The following OR5AN1 variants were observed in gnomAD, a reference collection of about 807,000 sequenced individuals.
The protein encoded by OR5AN1 is olfactory receptor family 5 subfamily AN member 1.
For synonymous variants in OR5AN1, 167 were observed against 131.8 expected, an observed-to-expected ratio of 1.27 and a Z score of -1.83; for missense variants, 476 against 368.9, an observed-to-expected ratio of 1.29 and a Z score of -2.38.
chr11:59,365,420 A>G lies in OR5AN1; in HGVS notation c.*26A>G. 2 of 1,383,894 alleles carry G rather than the reference A, an allele frequency of 1.4e-6. No homozygotes were observed. The highest frequency in any genetic ancestry group is 2.7e-5 in the South Asian group (2 of 74,582). 85.7% of individuals were successfully genotyped at this position (1,383,894 alleles called of 1,614,324 possible). On this transcript the variant is annotated 3_prime_UTR_variant, in exon 2 of 2. Coordinates refer to ENST00000641998, the MANE Select transcript of OR5AN1 (RefSeq NM_001004729.2). ...GTTTACAGATTCTGAGATTTCTGCCAGATATGGCCCATCAGAATCTCCCTA... is the reference window on the plus strand; with the variant it reads ...GTTTACAGATTCTGAGATTTCTGCCGGATATGGCCCATCAGAATCTCCCTA...
At position 59,365,277 on chromosome 11, in the gene OR5AN1, A is replaced by G; in HGVS notation, c.819A>G (p.Arg273=). The G allele has an allele frequency of 6.2e-7, 1 of 1,613,592 alleles. No homozygotes were observed. The change falls in exon 2 of 2, where the codon AGA becomes AGG. Residue 273 remains arginine (R), a synonymous_variant. Coordinates refer to ENST00000641998, the MANE Select transcript of OR5AN1 (RefSeq NM_001004729.2). ...SSSGGSSSFD[R]FASVFYTVVI... ...CTGGAGGTTCTTCAAGCTTTGACAG[A>G]TTTGCATCTGTTTTCTACACTGTGG...
At chr11:59,359,864 G>T (rs184395475) in intron 1 of OR5AN1, 2 of 152,192 alleles carry the variant, frequency 1.3e-5, no homozygotes, top group Admixed American at 6.5e-5. Flanking sequence ...ACCTGATTTT[G>T]TACCCTGCAC....
chr11:59,365,068 A>C lies in OR5AN1; in HGVS notation c.610A>C (p.Thr204Pro). Residue 204 changes from threonine to proline, a missense_variant, in exon 2 of 2, where the codon ACC becomes CCC. Coordinates refer to ENST00000641998, the MANE Select transcript of OR5AN1 (RefSeq NM_001004729.2). The part of the protein sequence containing the change: ...FFVQVMTAIL[T>P]MFFGIASALV... ...TGTACAGGTCATGACTGCTATATTA[A>C]CCATGTTCTTTGGGATAGCAAGTGC... The C allele has an allele frequency of 6.2e-7, 1 of 1,614,024 alleles. No homozygotes were observed.
At chr11:59,363,881 G>T (rs1230361665) in intron 1 of OR5AN1, among the ~76,000 whole-genome samples, 2 of 152,118 alleles carry the variant, frequency 1.3e-5, no homozygotes, top group Non-Finnish European at 2.9e-5. Flanking sequence ...TCCTGCCTCA[G>T]CCTCAGGAGT....
Position 59,364,520 on chromosome 11 carries a change from T to C in OR5AN1, c.62T>C (p.Phe21Ser). 2 of 1,613,844 alleles carry C rather than the reference T, an allele frequency of 1.2e-6. No individual in the cohort carries two copies. Among genetic ancestry groups the C allele is most frequent in the Non-Finnish European group, 1.7e-6 (2 of 1,179,876 alleles). The change falls in exon 2 of 2, where the codon TTT becomes TCT. Residue 21 changes from phenylalanine to serine, a missense_variant. Coordinates refer to ENST00000641998, the MANE Select transcript of OR5AN1 (RefSeq NM_001004729.2). ...TTCATCCTGCTGGGATTCTCAGATT[T>C]TCCCAGGATCATAAAAGTGCTCTTC... ...TYFILLGFSD[F>S]PRIIKVLFTI...
At chr11:59,362,910 T>A (rs79530511) in intron 1 of OR5AN1, among the ~76,000 whole-genome samples, 2,657 of 152,322 alleles carry the variant, frequency 0.017, 77 homozygotes, top group African/African-American at 0.061. Flanking sequence ...TGATGCTGGT[T>A]TTCCACTGAC....
chr11:59,360,816 G>A (rs1163617322), intron 1 of OR5AN1, among the ~76,000 whole-genome samples: 3 of 152,114 alleles, frequency 2.0e-5, no homozygotes, highest in Non-Finnish European at 4.4e-5. Context: ...TATTCTAAGA[G>A]TAAACAGAAA....
chr11:59,360,160 G>A (rs756369037), intron 1 of OR5AN1: 5 of 152,096 alleles, frequency 3.3e-5, no homozygotes, highest in African/African-American at 4.8e-5. Flanking sequence ...TTCTTTACTG[G>A]AAATGGTAGA....
At chr11:59,359,680 T>C (rs1034946424) in intron 1 of OR5AN1, 3 of 152,200 alleles carry the variant, frequency 2.0e-5, no homozygotes, top group Non-Finnish European at 2.9e-5. Context: ...ACTTCTGAAA[T>C]ACTTCAAATT....
intron 1 of OR5AN1, among the ~76,000 whole-genome samples, chr11:59,361,158 G>A (rs896033319): frequency 6.6e-6 from 1 of 152,188 alleles, no homozygotes. Flanking sequence ...CTTTAGTCTG[G>A]TTTAGAAATC....
In OR5AN1 at chr11:59,364,477, A is replaced by G. The variant is rs1857499764; in HGVS notation, c.19A>G (p.Ile7Val). ...TGAGCCAATGACTGGGGGAGGAAAT[A>G]TTACAGAAATCACCTATTTCATCCT... Reference protein sequence around the residue: MTGGGNITEITYFILLG... With the variant: MTGGGNVTEITYFILLG... The change falls in exon 2 of 2, where the codon ATT becomes GTT. Residue 7 changes from isoleucine (I) to valine (V), a missense_variant. Coordinates refer to ENST00000641998, the MANE Select transcript of OR5AN1 (RefSeq NM_001004729.2). 3 of 1,610,142 alleles carry G rather than the reference A, an allele frequency of 1.9e-6. No homozygotes were observed. The highest frequency in any genetic ancestry group is 1.7e-6 in the Non-Finnish European group (2 of 1,177,928).
At chr11:59,364,150 T>A (rs1439301637) in intron 1 of OR5AN1, among the ~76,000 whole-genome samples, 2 of 152,226 alleles carry the variant, frequency 1.3e-5, no homozygotes, top group Non-Finnish European at 2.9e-5. Context: ...TTAGTGATCT[T>A]TACCTTATAC....
In OR5AN1 at chr11:59,366,739, A is replaced by G. The variant is rs185181033; in HGVS notation, c.*1345A>G. 1.5e-4 allele frequency: 23 copies of G among 152,362 alleles called. No individual in the cohort carries two copies. Among genetic ancestry groups the G allele is most frequent in the African/African-American group, 4.1e-4 (17 of 41,580 alleles). 9.4% of individuals were successfully genotyped at this position (152,362 alleles called of 1,614,324 possible). A position where few individuals can be genotyped will look rare whatever the true frequency, so the allele number is the denominator to read the frequency against. On this transcript the variant is annotated 3_prime_UTR_variant, in exon 2 of 2. Transcript: ENST00000641998. ...CAAAACTCAGAATAGGGACCCCAGC[A>G]TATAATAAACGCTATACGTGAATCA...
At position 59,365,218 on chromosome 11, in the gene OR5AN1, A is replaced by G. The variant is rs1186342380; in HGVS notation, c.760A>G (p.Thr254Ala). Residue 254 changes from threonine (T) to alanine (A), a missense_variant, in exon 2 of 2, where the codon ACA (threonine) becomes GCA (alanine). Transcript: ENST00000641998. ...TCTAACAGCTGTTTCCCTCTTCTATACATCAGGAATCTTTGTCTATTTGAG... is the reference window on the plus strand; with the variant it reads ...TCTAACAGCTGTTTCCCTCTTCTATGCATCAGGAATCTTTGTCTATTTGAG... ...SHLTAVSLFY[T>A]SGIFVYLSSS... 6.2e-7 allele frequency: 1 copy of G among 1,614,034 alleles called. No individual in the cohort carries two copies. Among genetic ancestry groups the G allele is most frequent in the South Asian group, 1.1e-5 (1 of 91,062 alleles).
In OR5AN1 at chr11:59,367,091, GT is replaced by G. The variant is rs1280727951; in HGVS notation, c.*1698del. On this transcript the variant is annotated 3_prime_UTR_variant, in exon 2 of 2. Transcript: ENST00000641998. ...ATCTTTTGAAAAGAAATACAATAAA[GT>G]AACAAAGCTGTGAATCAGAAAAAAA... 1 of 152,122 alleles carries G rather than the reference GT, an allele frequency of 6.6e-6. No individual in the cohort carries two copies. Among genetic ancestry groups the G allele is most frequent in the Non-Finnish European group, 1.5e-5 (1 of 68,008 alleles). 9.4% of individuals were successfully genotyped at this position (152,122 alleles called of 1,614,324 possible).
In OR5AN1 at chr11:59,365,424, A is replaced by C; in HGVS notation, c.*30A>C. 7.4e-7 allele frequency: 1 copy of C among 1,347,534 alleles called. No homozygotes were observed. 83.5% of individuals were successfully genotyped at this position (1,347,534 alleles called of 1,614,324 possible). Reference sequence around the variant, plus strand: ...ACAGATTCTGAGATTTCTGCCAGATATGGCCCATCAGAATCTCCCTAACCC... The same window carrying C: ...ACAGATTCTGAGATTTCTGCCAGATCTGGCCCATCAGAATCTCCCTAACCC... On this transcript the variant is annotated 3_prime_UTR_variant, in exon 2 of 2. Transcript: ENST00000641998.
chr11:59,368,448 A>G lies in OR5AN1; in HGVS notation c.*3054A>G, dbSNP rs558559897. 3.9e-5 allele frequency: 6 copies of G among 152,486 alleles called. No homozygotes were observed. The highest frequency in any genetic ancestry group is 1.4e-4 in the African/African-American group (6 of 41,596). The allele number at this position is 152,486 out of a possible 1,614,324, so 9.4% of individuals were successfully genotyped here. On this transcript the variant is annotated 3_prime_UTR_variant, in exon 2 of 2. Coordinates refer to ENST00000641998, the MANE Select transcript of OR5AN1 (RefSeq NM_001004729.2). ...TCTATGCCACTGCCTCTGCAGTGGA[A>G]CTGCCCTTGACACGCTCCAACTAAT...
In OR5AN1 at chr11:59,369,347, A is replaced by G. The variant is rs1336865986; in HGVS notation, c.*3953A>G. 6.6e-6 allele frequency: 1 copy of G among 152,208 alleles called. No homozygotes were observed. The highest frequency in any genetic ancestry group is 1.5e-5 in the Non-Finnish European group (1 of 68,046). The allele number at this position is 152,208 out of a possible 1,614,324, so 9.4% of individuals were successfully genotyped here. A position where few individuals can be genotyped will look rare whatever the true frequency, so the allele number is the denominator to read the frequency against. On this transcript the variant is annotated 3_prime_UTR_variant, in exon 2 of 2. Transcript: ENST00000641998. ...TCATGGAAATTCAGGAGGATGGCAAAATCCAATCCAAGAAAAATAAGAATC... is the reference window on the plus strand; with the variant it reads ...TCATGGAAATTCAGGAGGATGGCAAGATCCAATCCAAGAAAAATAAGAATC...
At chr11:59,363,944 G>A (rs1262063776) in intron 1 of OR5AN1, among the ~76,000 whole-genome samples, 1 of 152,092 alleles carries the variant, frequency 6.6e-6, no homozygotes, top group Non-Finnish European at 1.5e-5. Context: ...TGTATTTTTA[G>A]TAGAGATGGG....
Sources: allele counts gnomAD v4.1 joint callset (sites outside exome capture counted in the v4.1 genomes callset), GRCh38; gene constraint gnomAD v4.1.1; transcripts MANE v1.5; gene names NCBI Gene and HGNC (gene_info 2026-07-23, HGNC 2026-07-21).